RAB26: variants seen among roughly 807,000 people sequenced by gnomAD.
RAB26 encodes RAB26, member RAS oncogene family.
Under a neutral mutation model 33.1 loss-of-function variants are expected in RAB26, and 39 were observed. The ratio of observed to expected loss-of-function variants is 1.18; its 90% CI spans 0.91 to 1.54. RAB26 has a LOEUF of 1.54. Among genes scored for constraint, RAB26 ranks in the 40% most tolerant of loss-of-function variants. The pLI is 0.00. For missense variants in RAB26, 468 were observed against 362.9 expected, an observed-to-expected ratio of 1.29 and a Z score of -2.35; for synonymous variants, 192 against 151.9, an observed-to-expected ratio of 1.26 and a Z score of -1.94.
At position 2,150,070 on chromosome 16, in the gene RAB26, C is replaced by T; in HGVS notation, c.306+19C>T. On this transcript the variant is annotated intron_variant, in intron 2 of 8. Coordinates refer to ENST00000210187, the MANE Select transcript of RAB26 (RefSeq NM_014353.5). ...CTTCCGGGTGAGTGGAGGCCCTGGC[C>T]TGGCCCCACATCAGAGTCCCGCCGG... 1.3e-6 allele frequency: 2 copies of T among 1,531,578 alleles called. No individual in the cohort carries two copies. Among genetic ancestry groups the T allele is most frequent in the Non-Finnish European group, 1.8e-6 (2 of 1,137,004 alleles). 94.9% of individuals were successfully genotyped at this position (1,531,578 alleles called of 1,614,324 possible). A position where few individuals can be genotyped will look rare whatever the true frequency, so the allele number is the denominator to read the frequency against.
chr16:2,148,782 C>A lies in RAB26; in HGVS notation c.-2C>A. ...CGGGAGCACACTGAGCGCCCGCCCG[C>A]CATGTCCAGGAAGAAGACCCCCAAG... On this transcript the variant is annotated 5_prime_UTR_variant, in exon 1 of 9. Coordinates refer to ENST00000210187, the MANE Select transcript of RAB26 (RefSeq NM_014353.5). 1 of 1,335,616 alleles carries A rather than the reference C, an allele frequency of 7.5e-7. No individual in the cohort carries two copies. Among genetic ancestry groups the A allele is most frequent in the Non-Finnish European group, 9.5e-7 (1 of 1,048,418 alleles). 82.7% of individuals were successfully genotyped at this position (1,335,616 alleles called of 1,614,324 possible). A position where few individuals can be genotyped will look rare whatever the true frequency, so the allele number is the denominator to read the frequency against.
In RAB26 at chr16:2,148,915, G is replaced by T; in HGVS notation, c.132G>T (p.Gly44=). The T allele has an allele frequency of 7.6e-7, 1 of 1,308,068 alleles. No individual in the cohort carries two copies. The highest frequency in any genetic ancestry group is 9.7e-7 in the Non-Finnish European group (1 of 1,026,820). The allele number at this position is 1,308,068 out of a possible 1,614,324, so 81.0% of individuals were successfully genotyped here. A position where few individuals can be genotyped will look rare whatever the true frequency, so the allele number is the denominator to read the frequency against. The part of the protein sequence containing the change: ...ALSGPDAPPN[G]PLQPGRPSLG... Reference sequence around the variant, plus strand: ...CCGGCCCCGACGCGCCGCCCAACGGGCCCTTGCAGCCCGGCCGGCCCTCGC... The same window carrying T: ...CCGGCCCCGACGCGCCGCCCAACGGTCCCTTGCAGCCCGGCCGGCCCTCGC... The change falls in exon 1 of 9, where the codon GGG becomes GGT. Residue 44 remains glycine, a synonymous_variant. Transcript: ENST00000210187.
rs575048399 is a variant in RAB26, at chr16:2,152,164, G to A, written c.468+256G>A. Among the ~76,000 whole-genome samples, 1,167 of 152,326 alleles carry A rather than the reference G, an allele frequency of 7.7e-3. 8 individuals are homozygous for A. The highest frequency in any genetic ancestry group is 0.024 in the South Asian group (114 of 4,830). On this transcript the variant is annotated intron_variant, in intron 5 of 8. Coordinates refer to ENST00000210187, the MANE Select transcript of RAB26 (RefSeq NM_014353.5). ...CGGGGGGTTATCACTTCTAAAGACA[G>A]GTATCCTGGCCAGGCATGGCGGCTC...
intron 2 of RAB26, among the ~76,000 whole-genome samples, chr16:2,150,345 A>G (rs2093000757): frequency 6.6e-6 from 1 of 152,208 alleles, no homozygotes; most frequent in African/African-American, 2.4e-5. Flanking sequence ...TGGGGCCAGC[A>G]GTGCTGCCTC....
intron 4 of RAB26, 47 bp downstream of exon 4, chr16:2,151,808 C>G: frequency 2.5e-6 from 4 of 1,613,950 alleles, no homozygotes; most frequent in Non-Finnish European, 3.4e-6. Flanking sequence ...GTCTGAGCAC[C>G]TGAGGGTGCA....
Position 2,154,091 on chromosome 16 carries a change from T to A in RAB26, c.*670T>A. ...CTTGCACTCAACTTGGCCTTTTGAT[T>A]GCACAAGCCTTTGTTTTCAGTCCTA... On this transcript the variant is annotated 3_prime_UTR_variant, in exon 9 of 9. Transcript: ENST00000210187. 1 of 325,998 alleles carries A rather than the reference T, an allele frequency of 3.1e-6. No individual in the cohort carries two copies. The highest frequency in any genetic ancestry group is 8.5e-5 in the East Asian group (1 of 11,782). The allele number at this position is 325,998 out of a possible 1,614,324, so 20.2% of individuals were successfully genotyped here. A position where few individuals can be genotyped will look rare whatever the true frequency, so the allele number is the denominator to read the frequency against.
rs1342154773 is a variant in RAB26 at position 2,151,838 on chromosome 16, A to G, written c.416-18A>G. The G allele has an allele frequency of 3.1e-6, 5 of 1,613,928 alleles. No homozygotes were observed. The African/African-American group carries it at 6.7e-5, about 22-fold the overall frequency. On this transcript the variant is annotated intron_variant, in intron 4 of 8. Transcript: ENST00000210187. The stretch of plus-strand genomic sequence containing the variant: ...GGTGCAGGTGATGGTGGATGTCCTC[A>G]CTGCCCTCTGTCCCCAGCTCTGCTG...
rs750603117 is a variant in RAB26, at chr16:2,151,612, T to C, written c.348+2T>C. ...GATGGTGTGAAGGTGAAGCTGCAGG[T>C]AAGGTGACTGGCAGAGGACAAGTTG... On this transcript the variant is annotated splice_donor_variant, in intron 3 of 8. Coordinates refer to ENST00000210187, the MANE Select transcript of RAB26 (RefSeq NM_014353.5). LOFTEE classifies it high-confidence loss of function. The C allele has an allele frequency of 3.1e-6, 5 of 1,613,794 alleles. No individual in the cohort carries two copies. The African/African-American group carries it at 6.7e-5, about 22-fold the overall frequency.
In RAB26 at chr16:2,151,169, G is replaced by A. The variant is rs527465035; in HGVS notation, c.307-400G>A. The A allele has an allele frequency of 1.1e-5, 5 of 468,232 alleles. 1 individual carries two copies. Among genetic ancestry groups the A allele is most frequent in the South Asian group, 7.8e-5 (5 of 64,514 alleles). The allele number at this position is 468,232 out of a possible 1,614,324, so 29.0% of individuals were successfully genotyped here. On this transcript the variant is annotated intron_variant, in intron 2 of 8. Transcript: ENST00000210187. ...GTCGCCCTGGCTGGAGTGCAGTGGT[G>A]ATCATGGTGGACTGCAACCTCCAAC...
rs188972777 is a variant in RAB26, at chr16:2,153,801, G to A, written c.*380G>A. Reference sequence around the variant, plus strand: ...GTCTTCAGCCGCACATGCTCAGGCAGCTAAGGGAGGACGCCTGCCCACGCC... The same window carrying A: ...GTCTTCAGCCGCACATGCTCAGGCAACTAAGGGAGGACGCCTGCCCACGCC... On this transcript the variant is annotated 3_prime_UTR_variant, in exon 9 of 9. Transcript: ENST00000210187. 6.8e-5 allele frequency: 32 copies of A among 471,498 alleles called. No homozygotes were observed. Among genetic ancestry groups the A allele is most frequent in the East Asian group, 4.6e-4 (7 of 15,226 alleles). The allele number at this position is 471,498 out of a possible 1,614,324, so 29.2% of individuals were successfully genotyped here.
chr16:2,152,835 A>T lies in RAB26; in HGVS notation c.484A>T (p.Ile162Phe). 1.2e-6 allele frequency: 2 copies of T among 1,607,414 alleles called. No individual in the cohort carries two copies. Among genetic ancestry groups the T allele is most frequent in the Non-Finnish European group, 1.7e-6 (2 of 1,178,086 alleles). Residue 162 changes from isoleucine to phenylalanine, a missense_variant, in exon 6 of 9, where the codon ATC (isoleucine) becomes TTC (phenylalanine). By Grantham distance (21) the Ile-to-Phe change is conservative. Coordinates refer to ENST00000210187, the MANE Select transcript of RAB26 (RefSeq NM_014353.5). ...CCTCCCACAGGCCTGGCTGACCGAG[A>T]TCCACGAGTACGCCCAGCACGACGT... is the stretch of plus-strand genomic sequence containing the variant. ...FDNIQAWLTEIHEYAQHDVAL... is the reference protein window; with the variant it reads ...FDNIQAWLTEFHEYAQHDVAL...
At chr16:2,148,398 G>T (rs2092992705), upstream of RAB26, 2 of 152,302 alleles carry the variant, frequency 1.3e-5, no homozygotes, top group South Asian at 4.1e-4. Flanking sequence ...GGATCCCGGG[G>T]TGACTCCTGG....
chr16:2,149,806 A>T (rs911445884), intron 1 of RAB26, 135 bp from the exon 2 acceptor site: 1 of 609,348 alleles, frequency 1.6e-6, no homozygotes. Context: ...TGTCCAGCCC[A>T]TCGGGGTCCC....
intron 5 of RAB26, among the ~76,000 whole-genome samples, chr16:2,152,295 A>T (rs1410765265): frequency 6.6e-6 from 1 of 152,188 alleles, no homozygotes; most frequent in Non-Finnish European, 1.5e-5. Flanking sequence ...CTGTAATCCC[A>T]GCTACTCAGG....
At chr16:2,148,472 C>G (rs760141685), upstream of RAB26, 2 of 152,296 alleles carry the variant, frequency 1.3e-5, no homozygotes, top group African/African-American at 4.8e-5. Flanking sequence ...GGGTCGTGAT[C>G]GGGGGCGGGA....
chr16:2,151,290 C>T, intron 2 of RAB26: 1 of 585,074 alleles, frequency 1.7e-6, no homozygotes. Context: ...CACCCATTTG[C>T]AGATGAGGAA....
At position 2,153,398 on chromosome 16, in the gene RAB26, G is replaced by A. The variant is rs2093013729; in HGVS notation, c.748G>A (p.Gly250Arg). ...LHDYVKREGRGASCCRP is the reference protein window; with the variant it reads ...LHDYVKREGRRASCCRP ...TGATTACGTTAAGAGGGAGGGTCGA[G>A]GGGCCTCCTGCTGCCGCCCTTGAAC... is the stretch of plus-strand genomic sequence containing the variant. Residue 250 changes from glycine to arginine, a missense_variant, in exon 9 of 9, where the codon GGG (glycine) becomes AGG (arginine). Gly to Arg is a moderately radical substitution (Grantham distance 125). Coordinates refer to ENST00000210187, the MANE Select transcript of RAB26 (RefSeq NM_014353.5). The A allele has an allele frequency of 6.2e-7, 1 of 1,613,322 alleles. No homozygotes were observed. Among genetic ancestry groups the A allele is most frequent in the African/African-American group, 1.3e-5 (1 of 74,934 alleles).
rs2093016915 is a variant in RAB26, at chr16:2,153,966, C to G, written c.*545C>G. The G allele has an allele frequency of 8.0e-6, 3 of 372,686 alleles. No individual in the cohort carries two copies. The highest frequency in any genetic ancestry group is 1.6e-5 in the Non-Finnish European group (3 of 185,928). 23.1% of individuals were successfully genotyped at this position (372,686 alleles called of 1,614,324 possible). ...ACTGACCTTGGAGGATGCCTGTGGC[C>G]TTGTGATAAAATGTGGGAAATCACA... On this transcript the variant is annotated 3_prime_UTR_variant, in exon 9 of 9. Transcript: ENST00000210187.
In RAB26 at chr16:2,153,339, T is replaced by A. The variant is rs774317906; in HGVS notation, c.689T>A (p.Met230Lys). The A allele has an allele frequency of 1.2e-5, 20 of 1,613,514 alleles. No individual in the cohort carries two copies. The highest frequency in any genetic ancestry group is 2.7e-5 in the African/African-American group (2 of 75,060). ...AIAKELKQRS[M>K]KAPSEPRFRL... is the part of the protein sequence containing the mutation. ...CGCAGGGAGTTGAAGCAGCGCTCCA[T>A]GAAGGCTCCCAGCGAGCCGCGCTTC... The change falls in exon 9 of 9, where the codon ATG (methionine) becomes AAG (lysine). Residue 230 changes from methionine to lysine, a missense_variant. Physicochemically the swap from Met to Lys is moderately conservative, Grantham distance 95 (BLOSUM62 -1). Coordinates refer to ENST00000210187, the MANE Select transcript of RAB26 (RefSeq NM_014353.5).
Sources: allele counts gnomAD v4.1 joint callset (sites outside exome capture counted in the v4.1 genomes callset), GRCh38; gene constraint gnomAD v4.1.1; transcripts MANE v1.5; gene names NCBI Gene and HGNC (gene_info 2026-07-23, HGNC 2026-07-21).